DMD: variants seen among roughly 807,000 people sequenced by gnomAD.
The protein encoded by DMD is dystrophin.
DMD carries 63 observed loss-of-function variants against 330.1 expected under a neutral mutation model. The observed-to-expected ratio is 0.19, with a 90% CI of 0.16 to 0.24. The LOEUF is 0.24. Ranked by LOEUF, DMD falls within the 10% of genes least tolerant of loss-of-function variation. DMD has a pLI of 1.00. For synonymous variants in DMD, 1,223 were observed against 959.8 expected, an observed-to-expected ratio of 1.27 and a Z score of -5.07; for missense variants, 3,344 against 2,684.1, an observed-to-expected ratio of 1.25 and a Z score of -5.43.
At chrX:32,064,145 T>G (rs752007765) in intron 44 of DMD, among the ~76,000 whole-genome samples, 3 of 111,602 alleles carry the variant, frequency 2.7e-5, no homozygotes, top group Non-Finnish European at 5.7e-5. Context: ...CAATTGACTC[T>G]TTAATATATA....
chrX:32,511,540 A>AG lies in DMD; in HGVS notation c.2292+6467_2292+6468insC, dbSNP rs2045333725. ...CCGTCTCGGGAAAAAAAAAAAAAAA[A>AG]AAAAAAAGAAAAGAAAGTCATTAAT... On this transcript the variant is annotated intron_variant, in intron 18 of 78. Transcript: ENST00000357033. 2.8e-5 allele frequency among the ~76,000 whole-genome samples: 3 copies of AG among 106,886 alleles called. No individual in the cohort carries two copies. In the Admixed American group the frequency reaches 3.0e-4, roughly 11 times the overall value. The allele number at this position is 106,886 out of a possible 115,157, so 92.8% of individuals were successfully genotyped here.
At chrX:32,940,113 C>T (rs1474905809) in intron 2 of DMD, among the ~76,000 whole-genome samples, 1 of 111,871 alleles carries the variant, frequency 8.9e-6, no homozygotes, top group East Asian at 2.8e-4. Flanking sequence ...CATTACCCAA[C>T]TTCAAACTAT....
chrX:32,451,868 G>A (rs2098331308), intron 26 of DMD, among the ~76,000 whole-genome samples: 1 of 110,697 alleles, frequency 9.0e-6, no homozygotes. Context: ...AGTGGTTGTT[G>A]CCAGAGGCTT....
intron 60 of DMD, among the ~76,000 whole-genome samples, chrX:31,419,334 T>C (rs937809523): frequency 5.6e-5 from 6 of 107,753 alleles, no homozygotes; most frequent in African/African-American, 2.0e-4. Context: ...ACAATAGTTT[T>C]CAAACTTTGA....
intron 7 of DMD, among the ~76,000 whole-genome samples, chrX:32,720,653 A>G (rs1403798197): frequency 8.9e-6 from 1 of 111,823 alleles, no homozygotes; most frequent in Admixed American, 9.5e-5. Context: ...GATCTGACAT[A>G]TTTTAGATAA....
chrX:32,485,898 C>A (rs769809354), intron 20 of DMD, among the ~76,000 whole-genome samples: 1 of 108,115 alleles, frequency 9.2e-6, no homozygotes, highest in African/African-American at 3.3e-5. Flanking sequence ...TGCCCGCTAC[C>A]GTGTCCAGCA....
intron 77 of DMD, among the ~76,000 whole-genome samples, 186 bp from the exon 78 acceptor site, chrX:31,126,859 A>T (rs2033779564): frequency 1.8e-5 from 2 of 110,250 alleles, no homozygotes; most frequent in Non-Finnish European, 3.8e-5. Context: ...CATCTAGTCA[A>T]ATAACCTTTA....
chrX:32,755,241 G>A (rs1158605123), intron 7 of DMD, among the ~76,000 whole-genome samples: 6 of 109,568 alleles, frequency 5.5e-5, no homozygotes, highest in Non-Finnish European at 1.1e-4. Flanking sequence ...GTAGTTCTAA[G>A]TAAATACAGT....
At chrX:32,536,608 A>G (rs892424250) in intron 17 of DMD, among the ~76,000 whole-genome samples, 1 of 112,372 alleles carries the variant, frequency 8.9e-6, no homozygotes, top group Non-Finnish European at 1.9e-5. Context: ...GAGTCACTGA[A>G]CAAACGATTT....
At chrX:31,299,756 C>T (rs1407476870) in intron 62 of DMD, among the ~76,000 whole-genome samples, 1 of 76,634 alleles carries the variant, frequency 1.3e-5, no homozygotes, top group Admixed American at 2.0e-4. Context: ...AGCCTGGTGA[C>T]AGAGGAAGAC....
chrX:32,021,781 C>T (rs2095807713), intron 44 of DMD, among the ~76,000 whole-genome samples: 1 of 111,834 alleles, frequency 8.9e-6, no homozygotes, highest in African/African-American at 3.2e-5. Flanking sequence ...ACATTAATTT[C>T]TCTGTTTCTT....
intron 52 of DMD, among the ~76,000 whole-genome samples, chrX:31,691,488 G>C (rs2083121348): frequency 1.8e-5 from 2 of 111,516 alleles, no homozygotes; most frequent in Admixed American, 1.9e-4. Context: ...GCATAGAGTG[G>C]TTGAGTGGAT....
At chrX:32,820,563 C>A (rs759326799) in intron 5 of DMD, among the ~76,000 whole-genome samples, 4 of 112,152 alleles carry the variant, frequency 3.6e-5, no homozygotes, top group Non-Finnish European at 5.6e-5. Context: ...GAAAGGGCTT[C>A]AGGATATTTT....
intron 1 of DMD, among the ~76,000 whole-genome samples, chrX:33,122,940 CA>C (rs1219151960): frequency 8.9e-6 from 1 of 111,879 alleles, no homozygotes; most frequent in Non-Finnish European, 1.9e-5. Context: ...AAGTGTGGCC[CA>C]AAAGAAAAGA....
At chrX:31,233,833 G>A (rs1209022724) in intron 63 of DMD, among the ~76,000 whole-genome samples, 3 of 111,807 alleles carry the variant, frequency 2.7e-5, no homozygotes, top group African/African-American at 9.8e-5. Flanking sequence ...TACTTCTCTG[G>A]TAACCACAGA....
chrX:32,354,612 A>G (rs1322640040), intron 37 of DMD, among the ~76,000 whole-genome samples: 1 of 111,762 alleles, frequency 8.9e-6, no homozygotes, highest in Non-Finnish European at 1.9e-5. Flanking sequence ...AAATGTAAGA[A>G]ATATTATTTT....
At chrX:31,363,590 G>A (rs1035403875) in intron 60 of DMD, among the ~76,000 whole-genome samples, 3 of 110,406 alleles carry the variant, frequency 2.7e-5, no homozygotes, top group Admixed American at 1.9e-4. Context: ...ATGTTGCCCA[G>A]GATGGTCTTG....
chrX:33,186,643 T>G (rs570990355), intron 1 of DMD, among the ~76,000 whole-genome samples: 2 of 111,286 alleles, frequency 1.8e-5, no homozygotes, highest in African/African-American at 6.5e-5. Context: ...AATTAATATT[T>G]TCACAATAAA....
intron 34 of DMD, among the ~76,000 whole-genome samples, chrX:32,366,213 C>G (rs756868525): frequency 7.1e-5 from 8 of 112,167 alleles, no homozygotes; most frequent in Non-Finnish European, 7.5e-5. Context: ...CATAAAGCCC[C>G]TTTCCTGGTA....
Sources: allele counts gnomAD v4.1 joint callset (sites outside exome capture counted in the v4.1 genomes callset), GRCh38; gene constraint gnomAD v4.1.1; transcripts MANE v1.5; gene names NCBI Gene and HGNC (gene_info 2026-07-23, HGNC 2026-07-21).